The following ABCB5 variants were observed in gnomAD, a reference collection of about 807,000 sequenced individuals.
ABCB5 encodes ATP binding cassette subfamily B member 5.
Under a neutral mutation model 144.2 loss-of-function variants are expected in ABCB5, and 155 were observed. The observed-to-expected ratio is 1.08, with a 90% confidence interval of 0.94 to 1.23. The LOEUF is 1.23. ABCB5 is among the 50% of genes most tolerant of loss of function. ABCB5 has a pLI of 0.00. For synonymous variants in ABCB5, 610 were observed against 528.6 expected, an observed-to-expected ratio of 1.15 and a Z score of -2.11; for missense variants, 1,830 against 1,520.8, an observed-to-expected ratio of 1.20 and a Z score of -3.38.
At chr7:20,636,934 G>GAAAACATT (rs545744828) in intron 5 of ABCB5, among the ~76,000 whole-genome samples, 1 of 151,936 alleles carries the variant, frequency 6.6e-6, no homozygotes, top group Non-Finnish European at 1.5e-5. Context: ...AATTGGTTTG[G>GAAAACATT]AAAACATTAT....
chr7:20,710,594 C>G (rs976224849), intron 20 of ABCB5, among the ~76,000 whole-genome samples: 1 of 149,450 alleles, frequency 6.7e-6, no homozygotes, highest in Non-Finnish European at 1.5e-5. Context: ...TGTCAACCCA[C>G]GCAATAAAAA....
chr7:20,667,358 G>A, intron 14 of ABCB5: 3 of 985,078 alleles, frequency 3.0e-6, no homozygotes, highest in African/African-American at 3.5e-5. Flanking sequence ...AAGAAAAGAA[G>A]GTCTCTAACA....
chr7:20,662,209 AAG>A (rs140558196), intron 14 of ABCB5, among the ~76,000 whole-genome samples: 8,465 of 152,288 alleles, frequency 0.056, 333 homozygotes, highest in South Asian at 0.14. Flanking sequence ...ATTATGAAGG[AAG>A]AGTTATCATC....
chr7:20,719,136 TA>T, intron 20 of ABCB5, among the ~76,000 whole-genome samples: 1 of 152,298 alleles, frequency 6.6e-6, no homozygotes, highest in African/African-American at 2.4e-5. Flanking sequence ...ATTTTAACTT[TA>T]TCTAAGCTTT....
At chr7:20,729,095 G>T (rs1334222254) in intron 23 of ABCB5, among the ~76,000 whole-genome samples, 1 of 152,120 alleles carries the variant, frequency 6.6e-6, no homozygotes, top group Non-Finnish European at 1.5e-5. Flanking sequence ...GGGGTACAAT[G>T]GGATGTTCTG....
intron 14 of ABCB5, among the ~76,000 whole-genome samples, chr7:20,675,611 C>A (rs942604552): frequency 6.6e-6 from 1 of 151,764 alleles, no homozygotes; most frequent in East Asian, 1.9e-4. Flanking sequence ...AATTATTTCT[C>A]GGATATGATG....
At chr7:20,708,687 C>T (rs1191130230) in intron 20 of ABCB5, among the ~76,000 whole-genome samples, 2 of 152,032 alleles carry the variant, frequency 1.3e-5, no homozygotes, top group Non-Finnish European at 2.9e-5. Context: ...ACTACTGGTC[C>T]AATAATGCAT....
intron 14 of ABCB5, among the ~76,000 whole-genome samples, chr7:20,678,610 C>CAAAACAAAAACA (rs571153694): frequency 3.4e-5 from 5 of 149,054 alleles, no homozygotes; most frequent in African/African-American, 1.3e-4. Flanking sequence ...TAGGCATTTA[C>CAAAACAAAAACA]AAAACAAAAA....
intron 22 of ABCB5, 133 bp from the exon 23 acceptor site, chr7:20,728,182 T>C: frequency 9.0e-7 from 1 of 1,109,550 alleles, no homozygotes; most frequent in South Asian, 1.8e-5. Context: ...TCACTTTCTC[T>C]TTCATCATTC....
At chr7:20,620,528 A>G (rs1189863048) in intron 1 of ABCB5, among the ~76,000 whole-genome samples, 1 of 152,006 alleles carries the variant, frequency 6.6e-6, no homozygotes, top group African/African-American at 2.4e-5. Flanking sequence ...TATATAAAGA[A>G]CACCTACAAC....
At chr7:20,634,981 C>G (rs1046493240) in intron 5 of ABCB5, among the ~76,000 whole-genome samples, 10 of 152,062 alleles carry the variant, frequency 6.6e-5, no homozygotes, top group African/African-American at 1.2e-4. Context: ...TTTGTCAAGG[C>G]CAATGTCCGG....
At chr7:20,684,628 T>G (rs142515193) in intron 15 of ABCB5, among the ~76,000 whole-genome samples, 2 of 152,178 alleles carry the variant, frequency 1.3e-5, no homozygotes, top group African/African-American at 4.8e-5. Context: ...AAATAAAAAA[T>G]TTCAAAGCCA....
At position 20,648,078 on chromosome 7, in the gene ABCB5, G is replaced by A. The variant is rs1309124373; in HGVS notation, c.1206G>A (p.Lys402=). The A allele has an allele frequency of 6.4e-7, 1 of 1,566,798 alleles. No homozygotes were observed. The highest frequency in any genetic ancestry group is 1.4e-5 in the African/African-American group (1 of 73,692). The change falls in exon 11 of 28, where the codon AAG becomes AAA. Residue 402 remains lysine, a splice_region_variant and synonymous_variant. Transcript: ENST00000404938. ...SFNYPSRPSI[K]ILKGLNLRIK... is the part of the protein sequence containing the mutation. ...ATTATCCATCAAGACCATCTATCAA[G>A]GTAGGTTAAAACAAATTACGCAATT...
chr7:20,732,805 G>C (rs1239696527), intron 23 of ABCB5, among the ~76,000 whole-genome samples: 1 of 152,156 alleles, frequency 6.6e-6, no homozygotes, highest in Non-Finnish European at 1.5e-5. Flanking sequence ...TTAGATTAAA[G>C]CTAAGAAAAA....
chr7:20,625,383 CAT>C (rs1562526500), intron 2 of ABCB5, among the ~76,000 whole-genome samples: 3 of 151,474 alleles, frequency 2.0e-5, no homozygotes, highest in East Asian at 3.8e-4. Flanking sequence ...TTTGCGCGTG[CAT>C]GTGTGTGTGT....
At chr7:20,724,628 CAA>C (rs34395637) in intron 21 of ABCB5, among the ~76,000 whole-genome samples, 2,923 of 88,646 alleles carry the variant, frequency 0.033, 101 homozygotes, top group African/African-American at 0.11. Context: ...AGCTCTGTCT[CAA>C]AAAAAAAAAA....
intron 16 of ABCB5, among the ~76,000 whole-genome samples, chr7:20,697,968 A>G (rs540336700): frequency 5.9e-5 from 9 of 152,354 alleles, no homozygotes; most frequent in African/African-American, 4.8e-5. Flanking sequence ...AAACTTTCCA[A>G]CTTTCAAGTT....
chr7:20,701,879 T>C (rs571492611), intron 19 of ABCB5, among the ~76,000 whole-genome samples: 13 of 152,244 alleles, frequency 8.5e-5, no homozygotes, highest in African/African-American at 1.2e-4. Flanking sequence ...AGAAGACTAG[T>C]ATATTTAGCC....
At chr7:20,665,738 G>A (rs2128032783) in intron 14 of ABCB5, among the ~76,000 whole-genome samples, 1 of 137,558 alleles carries the variant, frequency 7.3e-6, no homozygotes, top group African/African-American at 2.7e-5. Context: ...TAGATAGATA[G>A]ATAGATAGAT....
Sources: gnomAD v4.1 joint callset for allele counts (sites outside exome capture counted in the v4.1 genomes callset) on GRCh38, gnomAD v4.1.1 for gene constraint, MANE v1.5 for transcripts, NCBI Gene and HGNC (gene_info 2026-07-23, HGNC 2026-07-21) for gene names.